The following MED13 variants were observed in gnomAD, a reference collection of about 807,000 sequenced individuals.
MED13 encodes the protein mediator complex subunit 13.
Under a neutral mutation model 225.2 loss-of-function variants are expected in MED13, and 23 were observed. The observed-to-expected ratio is 0.10, with a 90% confidence interval of 0.07 to 0.14. The LOEUF (loss-of-function observed/expected upper bound fraction) is 0.14. MED13 is among the 10% of genes least tolerant of loss of function. The pLI is 1.00. For synonymous variants in MED13, 942 were observed against 889.2 expected (o/e 1.06, Z -1.06); for missense variants, 2,197 against 2,594.5 (o/e 0.85, Z 3.33).
chr17:61,984,388 G>A (rs373766980), intron 14 of MED13, 21 bp from the exon 15 acceptor site: 41 of 1,495,092 alleles, frequency 2.7e-5, no homozygotes, highest in Non-Finnish European at 3.6e-5. Context: ...AAGATGGTAG[G>A]TTTTCAGTAT....
At chr17:62,013,657 G>A (rs1245414468) in intron 8 of MED13, among the ~76,000 whole-genome samples, 2 of 152,106 alleles carry the variant, frequency 1.3e-5, no homozygotes, top group East Asian at 1.9e-4. Context: ...TTTACTGAAC[G>A]TTTTACCCAA....
chr17:62,052,447 A>G (rs1349311354), intron 3 of MED13, 90 bp downstream of exon 3: 18 of 979,640 alleles, frequency 1.8e-5, no homozygotes, highest in South Asian at 6.5e-5. Flanking sequence ...ATATGTCTGT[A>G]TATTAGCTTG....
chr17:61,965,375 T>G lies in MED13; in HGVS notation c.4475A>C (p.Gln1492Pro), dbSNP rs1567947260. The G allele has an allele frequency of 1.2e-6, 2 of 1,614,200 alleles. No individual in the cohort carries two copies. The highest frequency in any genetic ancestry group is 1.7e-6 in the Non-Finnish European group (2 of 1,180,022). ...PTSQSLITPP[Q>P]MTNTGNANTP... ...ATTAGCATTTCCAGTATTTGTCATC[T>G]GAGGTGGAGTAATCAAAGACTGACT... is the stretch of plus-strand genomic sequence containing the variant. The change falls in exon 20 of 30, where the codon CAG becomes CCG. Residue 1492 changes from glutamine (Q) to proline (P), a missense_variant. Around this residue, in one of 12 missense-constraint regions of MED13, gnomAD observed 457 missense variants for 442.2 expected, o/e 1.03. Coordinates refer to ENST00000397786, the MANE Select transcript of MED13 (RefSeq NM_005121.3).
At position 61,950,706 on chromosome 17, in the gene MED13, A is replaced by G. The variant is rs536098288; in HGVS notation, c.6291+119T>C. The G allele has an allele frequency of 4.0e-6, 4 of 1,006,590 alleles. No individual in the cohort carries two copies. The African/African-American group carries it at 6.5e-5, about 16-fold the overall frequency. 62.4% of individuals were successfully genotyped at this position (1,006,590 alleles called of 1,614,324 possible). ...CGTGATCTTGTTTAAAGAGTCACAT[A>G]TGGCAGTGCATTTAAGAACTTAGAC... is the stretch of plus-strand genomic sequence containing the variant. On this transcript the variant is annotated intron_variant, in intron 28 of 29. Transcript: ENST00000397786.
At chr17:61,989,301 C>T (rs1282133248) in intron 11 of MED13, among the ~76,000 whole-genome samples, 1 of 152,126 alleles carries the variant, frequency 6.6e-6, no homozygotes, top group East Asian at 1.9e-4. Flanking sequence ...TGAGCCACCA[C>T]GCCCAGCCAT....
chr17:61,994,630 A>C (rs1016355982), intron 10 of MED13, among the ~76,000 whole-genome samples: 2 of 152,232 alleles, frequency 1.3e-5, no homozygotes, highest in African/African-American at 4.8e-5. Flanking sequence ...AGAAACTTTT[A>C]AACAACAAAA....
intron 21 of MED13, 88 bp from the exon 22 acceptor site, chr17:61,961,867 C>G: frequency 8.1e-7 from 1 of 1,240,102 alleles, no homozygotes; most frequent in Non-Finnish European, 1.1e-6. Context: ...AAACTTTTTA[C>G]TAGAAAATTT....
intron 23 of MED13, among the ~76,000 whole-genome samples, 154 bp from the exon 24 acceptor site, chr17:61,956,635 G>T (rs1401361720): frequency 6.6e-6 from 1 of 152,044 alleles, no homozygotes; most frequent in African/African-American, 2.4e-5. Context: ...ACCTTCACGG[G>T]TTTAAGTGAT....
At chr17:62,017,200 C>A (rs1603403145) in intron 8 of MED13, among the ~76,000 whole-genome samples, 6 of 91,384 alleles carry the variant, frequency 6.6e-5, no homozygotes, top group African/African-American at 1.3e-4. Context: ...AATAACAAAA[C>A]AGAGTAGAAC....
chr17:61,952,653 C>G (rs1224840232), intron 27 of MED13, among the ~76,000 whole-genome samples: 2 of 152,150 alleles, frequency 1.3e-5, no homozygotes, highest in Non-Finnish European at 2.9e-5. Context: ...AATAGTATTG[C>G]ATTTCATATA....
intron 8 of MED13, chr17:62,029,246 A>G: frequency 3.4e-6 from 1 of 291,834 alleles, no homozygotes; most frequent in Non-Finnish European, 6.3e-6. Context: ...ATATGGCTGT[A>G]TAGCTTATAG....
intron 9 of MED13, among the ~76,000 whole-genome samples, chr17:62,009,234 T>C (rs904688282): frequency 3.9e-5 from 6 of 152,054 alleles, no homozygotes; most frequent in Admixed American, 6.6e-5. Flanking sequence ...AATAACAACA[T>C]AGAAAGTCAA....
intron 9 of MED13, among the ~76,000 whole-genome samples, chr17:62,009,674 C>G (rs955432040): frequency 6.6e-6 from 1 of 152,102 alleles, no homozygotes; most frequent in Admixed American, 6.5e-5. Flanking sequence ...GGGCAACAAC[C>G]CTTAATGTTG....
chr17:61,962,681 T>C (rs2094599921), intron 21 of MED13, 71 bp downstream of exon 21: 4 of 1,314,536 alleles, frequency 3.0e-6, no homozygotes, highest in Admixed American at 3.5e-5. Context: ...TACAGAAAAG[T>C]AGTATCTGAA....
At chr17:61,972,649 T>C in intron 17 of MED13, 78 bp downstream of exon 17, 1 of 1,262,660 alleles carries the variant, frequency 7.9e-7, no homozygotes, top group Middle Eastern at 2.1e-4. Context: ...AGAAAACTAA[T>C]GTGCTTATTC....
intron 8 of MED13, among the ~76,000 whole-genome samples, chr17:62,016,573 G>A (rs1197275170): frequency 6.6e-6 from 1 of 152,126 alleles, no homozygotes; most frequent in African/African-American, 2.4e-5. Context: ...TTGACAAGTG[G>A]CTAGTCCAAA....
Position 62,010,605 on chromosome 17 carries a change from AT to A in MED13, c.1911del (p.Lys637AsnfsTer15). On this transcript the variant is annotated frameshift_variant, in exon 9 of 30. Coordinates refer to ENST00000397786, the MANE Select transcript of MED13 (RefSeq NM_005121.3). LOFTEE classifies it high-confidence loss of function. The stretch of plus-strand genomic sequence containing the variant: ...AAAGGTCCAACTGGATCATCCTTGA[AT>A]TTATCACTTGGAAGTTGAGGTGGTA... ...EFLPPQLPSD[K>X]FKDDPVGPFG... is the part of the protein sequence containing the mutation. 6.7e-7 allele frequency: 1 copy of A among 1,494,090 alleles called. No individual in the cohort carries two copies. 92.6% of individuals were successfully genotyped at this position (1,494,090 alleles called of 1,614,324 possible).
intron 3 of MED13, among the ~76,000 whole-genome samples, chr17:62,039,823 A>G (rs1177164737): frequency 6.6e-6 from 1 of 151,734 alleles, no homozygotes; most frequent in Non-Finnish European, 1.5e-5. Flanking sequence ...GGTCTTGAAC[A>G]CCTAACCTCA....
intron 20 of MED13, 95 bp downstream of exon 20, chr17:61,964,911 G>T: frequency 1.7e-6 from 2 of 1,202,432 alleles, no homozygotes; most frequent in East Asian, 2.5e-5. Flanking sequence ...AGTACAGCCT[G>T]CGCAAAAGAG....
Sources: gnomAD v4.1 joint callset for allele counts (sites outside exome capture counted in the v4.1 genomes callset) on GRCh38, gnomAD v4.1.1 for gene constraint, gnomAD v4.1.1 regional missense constraint, MANE v1.5 for transcripts, NCBI Gene and HGNC (gene_info 2026-07-23, HGNC 2026-07-21) for gene names.